Variants in SLC39A11 observed in about 807,000 individuals in gnomAD.
The protein encoded by SLC39A11 is solute carrier family 39 member 11, also known as zinc transporter ZIP11.
A neutral mutation model predicts 36.1 loss-of-function variants in SLC39A11; 33 were observed. The observed-to-expected ratio is 0.91, with a 90% CI of 0.69 to 1.22. SLC39A11 has a LOEUF of 1.22. Among genes scored for constraint, SLC39A11 ranks in the 50% most tolerant of loss-of-function variants. The probability of loss-of-function intolerance (pLI) is 0.00; values close to 1 mark genes in which losing one functional copy is unlikely to be tolerated. For synonymous variants in SLC39A11, 166 were observed against 170.3 expected (o/e 0.97, Z 0.20); for missense variants, 432 against 430.3 (o/e 1.00, Z -0.03).
chr17:72,915,216 T>C (rs1307947815), intron 5 of SLC39A11, among the ~76,000 whole-genome samples: 1 of 152,132 alleles, frequency 6.6e-6, no homozygotes, highest in Non-Finnish European at 1.5e-5. Context: ...ATGCCTCTCC[T>C]GTGCTAGCCA....
At chr17:72,796,687 A>G (rs953091518) in intron 6 of SLC39A11, among the ~76,000 whole-genome samples, 3 of 152,182 alleles carry the variant, frequency 2.0e-5, no homozygotes, top group African/African-American at 7.2e-5. Context: ...CCACACACAC[A>G]CAAATCCAGC....
At chr17:73,068,376 G>A (rs950084361) in intron 3 of SLC39A11, 7 of 476,434 alleles carry the variant, frequency 1.5e-5, no homozygotes, top group African/African-American at 1.4e-4. Context: ...AATCCTCATA[G>A]ATATGGATCA....
At chr17:72,997,981 G>A (rs2089614256) in intron 4 of SLC39A11, among the ~76,000 whole-genome samples, 1 of 152,206 alleles carries the variant, frequency 6.6e-6, no homozygotes, top group South Asian at 2.1e-4. Flanking sequence ...AAAATCATAT[G>A]CTGAGGTTGC....
At chr17:72,800,284 G>T (rs1255039430) in intron 6 of SLC39A11, among the ~76,000 whole-genome samples, 1 of 149,320 alleles carries the variant, frequency 6.7e-6, no homozygotes, top group Non-Finnish European at 1.5e-5. Flanking sequence ...GCTCCACAAG[G>T]ACCAGGAAAC....
At chr17:72,943,043 G>T (rs1233601177) in intron 5 of SLC39A11, among the ~76,000 whole-genome samples, 1 of 152,172 alleles carries the variant, frequency 6.6e-6, no homozygotes, top group Non-Finnish European at 1.5e-5. Flanking sequence ...GTTTAACAGG[G>T]AAAATGGGAG....
At chr17:72,799,782 G>A (rs148308562) in intron 6 of SLC39A11, among the ~76,000 whole-genome samples, 1 of 151,806 alleles carries the variant, frequency 6.6e-6, no homozygotes, top group Non-Finnish European at 1.5e-5. Context: ...GTGCACCGCT[G>A]AACACAGACC....
intron 4 of SLC39A11, among the ~76,000 whole-genome samples, chr17:72,950,744 T>G (rs1232196064): frequency 6.6e-6 from 1 of 152,218 alleles, no homozygotes; most frequent in African/African-American, 2.4e-5. Context: ...TGTATTTGAT[T>G]GAAGCCCATC....
At chr17:72,712,149 G>A (rs1427329361) in intron 7 of SLC39A11, among the ~76,000 whole-genome samples, 4 of 152,232 alleles carry the variant, frequency 2.6e-5, no homozygotes, top group Non-Finnish European at 4.4e-5. Flanking sequence ...AGCTGAGAGG[G>A]AGCAGATGGG....
At chr17:73,009,283 G>T (rs140431425) in intron 4 of SLC39A11, among the ~76,000 whole-genome samples, 2 of 148,746 alleles carry the variant, frequency 1.3e-5, no homozygotes, top group Non-Finnish European at 3.0e-5. Context: ...GCAGGAGAAT[G>T]GCGTGAGCTT....
At position 73,031,535 on chromosome 17, in the gene SLC39A11, TA is replaced by T; in HGVS notation, c.306+20del. ...GCTGGTTGTATCCCGATACGACAGC[TA>T]AAAGTAGAGTGGTACTCACCAAGTG... On this transcript the variant is annotated intron_variant, in intron 4 of 9. Transcript: ENST00000255559. 6.2e-7 allele frequency: 1 copy of T among 1,613,752 alleles called. No homozygotes were observed. The highest frequency in any genetic ancestry group is 8.5e-7 in the Non-Finnish European group (1 of 1,179,794).
chr17:73,002,184 T>C lies in SLC39A11; in HGVS notation c.306+29372A>G, dbSNP rs2089860290. ...AATTAAACAATGACCCGCCATTGCC[T>C]GTAAGATGCATCCCAATTGTAAAGA... On this transcript the variant is annotated intron_variant, in intron 4 of 9. Transcript: ENST00000255559. 2.0e-5 allele frequency among the ~76,000 whole-genome samples: 3 copies of C among 152,308 alleles called. No homozygotes were observed. The South Asian group carries it at 6.2e-4, about 32-fold the overall frequency.
intron 6 of SLC39A11, among the ~76,000 whole-genome samples, chr17:72,803,732 CAGTATT>C (rs1414618908): frequency 4.6e-5 from 7 of 152,150 alleles, no homozygotes. Flanking sequence ...CCCCCTTGAT[CAGTATT>C]CGGCAGAATA....
chr17:72,900,185 G>GAA (rs1567912772), intron 5 of SLC39A11, among the ~76,000 whole-genome samples: 3 of 144,658 alleles, frequency 2.1e-5, no homozygotes, highest in African/African-American at 7.9e-5. Flanking sequence ...AAGAAAGAAA[G>GAA]AAAGAAAGAA....
At chr17:72,784,884 G>A (rs1036064556) in intron 6 of SLC39A11, among the ~76,000 whole-genome samples, 4 of 142,498 alleles carry the variant, frequency 2.8e-5, no homozygotes, top group South Asian at 4.4e-4. Context: ...TTTTTAGATG[G>A]AATCTCGCTC....
At chr17:72,649,312 G>A in intron 7 of SLC39A11, 44 bp from the exon 8 acceptor site, 1 of 1,575,466 alleles carries the variant, frequency 6.3e-7, no homozygotes, top group Non-Finnish European at 8.7e-7. Context: ...TCTGGAATAG[G>A]TGCTCACACA....
chr17:72,960,095 G>A (rs2086512104), intron 4 of SLC39A11, among the ~76,000 whole-genome samples: 1 of 152,186 alleles, frequency 6.6e-6, no homozygotes, highest in South Asian at 2.1e-4. Flanking sequence ...CTCAGCAGAT[G>A]AACTTTTAGG....
At chr17:72,861,704 GAT>G (rs1283325007) in intron 5 of SLC39A11, among the ~76,000 whole-genome samples, 3 of 45,146 alleles carry the variant, frequency 6.6e-5, no homozygotes, top group East Asian at 1.1e-3. Flanking sequence ...ATATATATTG[GAT>G]ATATATAGGA....
chr17:72,907,561 G>C (rs373055989), intron 5 of SLC39A11, among the ~76,000 whole-genome samples: 1 of 152,174 alleles, frequency 6.6e-6, no homozygotes, highest in African/African-American at 2.4e-5. Context: ...TGCCCATGTG[G>C]AGCGGGCAGA....
At chr17:73,078,685 C>T (rs1319461095) in intron 3 of SLC39A11, among the ~76,000 whole-genome samples, 4 of 151,712 alleles carry the variant, frequency 2.6e-5, no homozygotes, top group Non-Finnish European at 2.9e-5. Context: ...TTAATAGAGA[C>T]GGGGTTTCGC....
Sources: gnomAD v4.1 joint callset for allele counts (sites outside exome capture counted in the v4.1 genomes callset) on GRCh38, gnomAD v4.1.1 for gene constraint, MANE v1.5 for transcripts, NCBI Gene and HGNC (gene_info 2026-07-23, HGNC 2026-07-21) for gene names.